STAU2: variants seen among roughly 807,000 people sequenced by gnomAD.
STAU2 encodes the protein double-stranded RNA-binding protein Staufen homolog 2.
STAU2 carries 20 observed loss-of-function variants against 65.9 expected under a neutral mutation model. The observed-to-expected ratio is 0.30, with a 90% CI of 0.21 to 0.44. The LOEUF is 0.44. Among genes scored for constraint, STAU2 ranks in the 20% least tolerant of loss-of-function variants. The pLI is 1.00. For synonymous variants in STAU2, 232 were observed against 233.9 expected (o/e 0.99, Z 0.07); for missense variants, 558 against 683.9 (o/e 0.82, Z 2.05).
chr8:73,462,725 G>C (rs1819434978), intron 13 of STAU2, among the ~76,000 whole-genome samples: 3 of 152,076 alleles, frequency 2.0e-5, no homozygotes, highest in Non-Finnish European at 4.4e-5. Context: ...TAAAAAATAT[G>C]TAAAAGATTT....
chr8:73,632,274 A>G (rs1448611957), intron 6 of STAU2, among the ~76,000 whole-genome samples: 2 of 152,084 alleles, frequency 1.3e-5, no homozygotes, highest in Non-Finnish European at 2.9e-5. Context: ...AAAAAAAAAA[A>G]AAGTCTTGCT....
chr8:73,479,472 G>GCACACACACAAACACACACACA (rs6150656), intron 13 of STAU2, among the ~76,000 whole-genome samples: 29 of 139,952 alleles, frequency 2.1e-4, no homozygotes, highest in Admixed American at 9.4e-4. Context: ...TCCCTATTCT[G>GCACACACACAAACACACACACA]CACACACACA....
chr8:73,717,622 TTTGTTGTTG>T (rs75469180), intron 3 of STAU2, among the ~76,000 whole-genome samples: 199 of 150,148 alleles, frequency 1.3e-3, no homozygotes, highest in East Asian at 8.6e-3. Context: ...CTATTTGTCT[TTTGTTGTTG>T]TTGTTGTTGT....
chr8:73,708,016 T>C (rs192432876), intron 4 of STAU2, among the ~76,000 whole-genome samples: 2 of 152,288 alleles, frequency 1.3e-5, no homozygotes, highest in African/African-American at 4.8e-5. Flanking sequence ...TTCAACATGA[T>C]TAAGGGCAGA....
chr8:73,734,073 T>C (rs1002962865), intron 3 of STAU2, among the ~76,000 whole-genome samples: 3 of 152,052 alleles, frequency 2.0e-5, no homozygotes, highest in African/African-American at 4.8e-5. Context: ...ACATTACATA[T>C]TGTATAATCC....
chr8:73,688,149 C>G (rs1280182657), intron 5 of STAU2, among the ~76,000 whole-genome samples: 1 of 151,056 alleles, frequency 6.6e-6, no homozygotes, highest in East Asian at 1.9e-4. Flanking sequence ...AAAACAATTA[C>G]AATTACTTTC....
intron 5 of STAU2, among the ~76,000 whole-genome samples, chr8:73,674,978 A>G (rs1433718116): frequency 6.6e-6 from 1 of 152,008 alleles, no homozygotes; most frequent in Non-Finnish European, 1.5e-5. Flanking sequence ...CCATAACCCA[A>G]CAACTGCAAA....
intron 13 of STAU2, among the ~76,000 whole-genome samples, chr8:73,537,301 AGT>A (rs200967963): frequency 0.019 from 2,568 of 134,958 alleles, 46 homozygotes; most frequent in South Asian, 0.07. Context: ...AAAAGAGATG[AGT>A]GGGACTGAAA....
chr8:73,544,731 GGT>G (rs1806784502), intron 13 of STAU2, among the ~76,000 whole-genome samples: 1 of 152,116 alleles, frequency 6.6e-6, no homozygotes, highest in Admixed American at 6.6e-5. Flanking sequence ...ACATTTATCA[GGT>G]TATACTTACT....
rs539827555 is a variant in STAU2, at chr8:73,741,823, A to G, written c.-196-1955T>C. The stretch of plus-strand genomic sequence containing the variant: ...CCACCACGCCCGGCCCGAAACTTCT[A>G]GTCTTCTGACACGGAAAAGATATTC... On this transcript the variant is annotated intron_variant, in intron 1 of 14. Transcript: ENST00000524300. Among the ~76,000 whole-genome samples the G allele has an allele frequency of 2.8e-4, 42 of 152,318 alleles. 1 individual carries two copies. The South Asian group carries it at 8.3e-3, about 30-fold the overall frequency.
At chr8:73,698,327 T>C (rs1428728207) in intron 4 of STAU2, among the ~76,000 whole-genome samples, 1 of 152,042 alleles carries the variant, frequency 6.6e-6, no homozygotes, top group Non-Finnish European at 1.5e-5. Context: ...TAACACTGAA[T>C]GTAAATGAAC....
intron 12 of STAU2, 112 bp from the exon 13 acceptor site, chr8:73,552,431 C>T: frequency 2.1e-6 from 2 of 930,694 alleles, no homozygotes; most frequent in Non-Finnish European, 3.1e-6. Context: ...ATGAGAAACA[C>T]TGCCAAACAA....
intron 3 of STAU2, among the ~76,000 whole-genome samples, chr8:73,709,828 CT>C (rs1820763844): frequency 6.6e-6 from 1 of 151,358 alleles, no homozygotes; most frequent in Admixed American, 6.6e-5. Flanking sequence ...TGTTAAGTTC[CT>C]TATTATCTTT....
At chr8:73,471,352 T>C (rs1367757573) in intron 13 of STAU2, among the ~76,000 whole-genome samples, 1 of 151,390 alleles carries the variant, frequency 6.6e-6, no homozygotes, top group East Asian at 1.9e-4. Context: ...TATTTTTTTA[T>C]TTTTATTTTT....
At chr8:73,484,850 G>C (rs1284202988) in intron 13 of STAU2, among the ~76,000 whole-genome samples, 1 of 152,028 alleles carries the variant, frequency 6.6e-6, no homozygotes, top group East Asian at 1.9e-4. Context: ...ACGTACAAAG[G>C]TTTCTCTAAT....
At chr8:73,542,822 C>G (rs1258498063) in intron 13 of STAU2, among the ~76,000 whole-genome samples, 1 of 152,150 alleles carries the variant, frequency 6.6e-6, no homozygotes. Flanking sequence ...AACCCTCACA[C>G]ATTGCTGGTA....
chr8:73,719,375 G>A (rs552383668), intron 3 of STAU2, among the ~76,000 whole-genome samples: 19 of 152,036 alleles, frequency 1.2e-4, no homozygotes, highest in Non-Finnish European at 2.5e-4. Flanking sequence ...ACTTCAGCCT[G>A]GGCAACAGAG....
At chr8:73,589,415 T>C (rs760179534) in intron 11 of STAU2, among the ~76,000 whole-genome samples, 2 of 152,176 alleles carry the variant, frequency 1.3e-5, no homozygotes, top group Non-Finnish European at 2.9e-5. Flanking sequence ...ACCCTGATGC[T>C]AGACCTTTCA....
At position 73,739,748 on chromosome 8, in the gene STAU2, C is replaced by T; in HGVS notation, c.-84+8G>A. On this transcript the variant is annotated splice_region_variant and intron_variant, in intron 2 of 14. Coordinates refer to ENST00000524300, the MANE Select transcript of STAU2 (RefSeq NM_001164380.2). ...AATTTGAGTTTTAGTCAAAGTTCTT[C>T]AGATTACCTTCTGAGCCTTGGTTCA... 6.7e-7 allele frequency: 1 copy of T among 1,502,784 alleles called. No individual in the cohort carries two copies. Among genetic ancestry groups the T allele is most frequent in the Non-Finnish European group, 8.8e-7 (1 of 1,134,536 alleles). 93.1% of individuals were successfully genotyped at this position (1,502,784 alleles called of 1,614,324 possible).
Sources: gnomAD v4.1 joint callset for allele counts (sites outside exome capture counted in the v4.1 genomes callset) on GRCh38, gnomAD v4.1.1 for gene constraint, MANE v1.5 for transcripts, NCBI Gene and HGNC (gene_info 2026-07-23, HGNC 2026-07-21) for gene names.